Variants in KCNQ5 observed in about 807,000 individuals in gnomAD.
KCNQ5 encodes potassium voltage-gated channel subfamily KQT member 5.
In KCNQ5, 30 loss-of-function variants were observed where a neutral mutation model predicts 98.2. That is an observed-to-expected ratio of 0.31 (90% CI 0.23 to 0.41). KCNQ5 has a LOEUF of 0.41. Ranked by LOEUF, KCNQ5 falls within the 10% of genes least tolerant of loss-of-function variation. The probability of loss-of-function intolerance (pLI) is 1.00; values close to 1 mark genes in which losing one functional copy is unlikely to be tolerated. For synonymous variants in KCNQ5, 458 were observed against 449.4 expected (o/e 1.02, Z -0.24); for missense variants, 835 against 1,182.5 (o/e 0.71, Z 4.31).
At chr6:72,798,756 C>T (rs952293610) in intron 1 of KCNQ5, among the ~76,000 whole-genome samples, 2 of 152,056 alleles carry the variant, frequency 1.3e-5, no homozygotes, top group Admixed American at 1.3e-4. Flanking sequence ...TGATCAAGCC[C>T]CCAGTTCATG....
intron 6 of KCNQ5, 144 bp downstream of exon 6, chr6:73,105,511 T>C (rs938838261): frequency 1.6e-5 from 7 of 446,470 alleles, no homozygotes; most frequent in African/African-American, 1.4e-4. Context: ...CTTTTCTAAA[T>C]ATATCTACTT....
intron 1 of KCNQ5, among the ~76,000 whole-genome samples, chr6:72,969,892 G>A (rs1767794208): frequency 6.6e-6 from 1 of 152,160 alleles, no homozygotes; most frequent in African/African-American, 2.4e-5. Context: ...GTTATCTGAT[G>A]TCAACTTCTG....
chr6:73,032,706 C>A (rs1771204688), intron 2 of KCNQ5, among the ~76,000 whole-genome samples: 1 of 152,090 alleles, frequency 6.6e-6, no homozygotes, highest in South Asian at 2.1e-4. Flanking sequence ...GTACAGCAAG[C>A]CATTTTCAAT....
intron 3 of KCNQ5, among the ~76,000 whole-genome samples, chr6:73,046,767 C>T (rs1242822527): frequency 2.0e-5 from 3 of 151,848 alleles, no homozygotes; most frequent in Non-Finnish European, 2.9e-5. Context: ...CTCAGCCTCC[C>T]GAGTAGCTGG....
Position 72,756,004 on chromosome 6 carries a change from C to T in KCNQ5, c.398+133417C>T, listed in dbSNP as rs181889615. ...CCCAGTCTTTCTCATAAGCACCTCA[C>T]GCAGGCCTGTGGAAAAGTTTATAAA... On this transcript the variant is annotated intron_variant, in intron 1 of 13. Transcript: ENST00000370398. Among the ~76,000 whole-genome samples the T allele has an allele frequency of 3.4e-3, 520 of 152,318 alleles. 6 individuals carry two copies. Among genetic ancestry groups the T allele is most frequent in the African/African-American group, 0.011 (458 of 41,580 alleles).
chr6:73,192,319 G>A (rs924627642), intron 12 of KCNQ5, among the ~76,000 whole-genome samples: 3 of 152,096 alleles, frequency 2.0e-5, no homozygotes, highest in African/African-American at 7.2e-5. Flanking sequence ...TTGTAGTTTA[G>A]GACACTTTTA....
intron 1 of KCNQ5, among the ~76,000 whole-genome samples, chr6:72,846,171 A>G (rs1025077187): frequency 2.6e-5 from 4 of 152,208 alleles, no homozygotes; most frequent in African/African-American, 9.6e-5. Context: ...ATAGTGTCAA[A>G]AAATGAGACT....
In KCNQ5 at chr6:73,035,862, T is replaced by C. The variant is rs543999707; in HGVS notation, c.490-6074T>C. Reference sequence around the variant, plus strand: ...TATAGTAGACATACCCTGTGTATACTTTACCCAATTTCCGCAAAATGTAAC... The same window carrying C: ...TATAGTAGACATACCCTGTGTATACCTTACCCAATTTCCGCAAAATGTAAC... On this transcript the variant is annotated intron_variant, in intron 2 of 13. Transcript: ENST00000370398. Among the ~76,000 whole-genome samples the C allele has an allele frequency of 3.3e-5, 5 of 152,296 alleles. No individual in the cohort carries two copies. The East Asian group carries it at 9.6e-4, about 29-fold the overall frequency.
chr6:73,083,927 T>G (rs149198538), intron 5 of KCNQ5, among the ~76,000 whole-genome samples: 113 of 152,334 alleles, frequency 7.4e-4, no homozygotes, highest in African/African-American at 2.6e-3. Context: ...CTGTATATAT[T>G]AGAAGAGAAT....
At chr6:73,174,241 T>C (rs1229657231) in intron 11 of KCNQ5, among the ~76,000 whole-genome samples, 2 of 152,214 alleles carry the variant, frequency 1.3e-5, no homozygotes, top group Non-Finnish European at 2.9e-5. Flanking sequence ...AAGGCCACTC[T>C]TAATAAGATC....
chr6:72,912,727 C>T (rs1368536471), intron 1 of KCNQ5, among the ~76,000 whole-genome samples: 3 of 151,960 alleles, frequency 2.0e-5, no homozygotes, highest in Non-Finnish European at 2.9e-5. Context: ...TCTTCATGAC[C>T]GTTGTATCAA....
At chr6:72,987,820 A>C in intron 1 of KCNQ5, 1 of 366,580 alleles carries the variant, frequency 2.7e-6, no homozygotes, top group South Asian at 3.4e-5. Context: ...GGAGATTACA[A>C]GTTTTTTTTG....
At chr6:72,747,288 C>A (rs1438883738) in intron 1 of KCNQ5, among the ~76,000 whole-genome samples, 1 of 152,078 alleles carries the variant, frequency 6.6e-6, no homozygotes, top group Admixed American at 6.6e-5. Flanking sequence ...CTTAGACCTG[C>A]TGTGATACCT....
At chr6:73,043,162 C>A in intron 3 of KCNQ5, 1 of 454,072 alleles carries the variant, frequency 2.2e-6, no homozygotes, top group Non-Finnish European at 4.6e-6. Context: ...AAGTGTATCA[C>A]CATCCATGGG....
intron 1 of KCNQ5, among the ~76,000 whole-genome samples, chr6:72,793,173 C>T (rs1417455787): frequency 6.6e-6 from 1 of 152,216 alleles, no homozygotes; most frequent in Non-Finnish European, 1.5e-5. Context: ...TGAACTTAAG[C>T]TTATCTCCAT....
chr6:73,164,361 T>C (rs565663437), intron 10 of KCNQ5, among the ~76,000 whole-genome samples: 20 of 152,350 alleles, frequency 1.3e-4, no homozygotes, highest in Admixed American at 9.1e-4. Context: ...TCATTTGCTC[T>C]AACTACACCT....
At chr6:72,657,688 G>A (rs980968884) in intron 1 of KCNQ5, among the ~76,000 whole-genome samples, 4 of 152,190 alleles carry the variant, frequency 2.6e-5, no homozygotes, top group African/African-American at 9.6e-5. Flanking sequence ...AGCCTTTGTA[G>A]ATAGAAATCT....
At chr6:73,119,238 C>T (rs1011839328) in intron 7 of KCNQ5, among the ~76,000 whole-genome samples, 3 of 152,108 alleles carry the variant, frequency 2.0e-5, no homozygotes, top group African/African-American at 7.2e-5. Flanking sequence ...GAAGCTTTTC[C>T]AATAACAGTC....
At chr6:73,083,054 C>A (rs1273211951) in intron 5 of KCNQ5, among the ~76,000 whole-genome samples, 1 of 152,032 alleles carries the variant, frequency 6.6e-6, no homozygotes, top group Non-Finnish European at 1.5e-5. Flanking sequence ...CCATGCCCAG[C>A]TAATTTTTTA....
Sources: allele counts gnomAD v4.1 joint callset (sites outside exome capture counted in the v4.1 genomes callset), GRCh38; gene constraint gnomAD v4.1.1; transcripts MANE v1.5; gene names NCBI Gene and HGNC (gene_info 2026-07-23, HGNC 2026-07-21).